The following KDM1A variants were observed in gnomAD, a reference collection of about 807,000 sequenced individuals.
KDM1A encodes the protein lysine demethylase 1A, also known as lysine-specific histone demethylase 1A.
In KDM1A, 49 loss-of-function variants were observed where a neutral mutation model predicts 109.4. That is an observed-to-expected ratio of 0.45 (90% confidence interval 0.36 to 0.57). KDM1A has a LOEUF of 0.57. KDM1A is among the 20% of genes least tolerant of loss of function. The pLI is 0.00. For synonymous variants in KDM1A, 380 were observed against 415.4 expected (o/e 0.91, Z 1.04); for missense variants, 668 against 1,116.6 (o/e 0.60, Z 5.73).
chr1:23,054,953 CATGACTT>C, intron 5 of KDM1A, 109 bp from the exon 6 acceptor site: 1 of 641,334 alleles, frequency 1.6e-6, no homozygotes, highest in Non-Finnish European at 2.7e-6. Flanking sequence ...AAAGGAGTCA[CATGACTT>C]GAAGCTTAAT....
intron 2 of KDM1A, 119 bp from the exon 3 acceptor site, chr1:23,044,308 G>A: frequency 1.2e-6 from 1 of 833,194 alleles, no homozygotes; most frequent in South Asian, 1.5e-5. Context: ...GGAGCTCTCT[G>A]AATATGGGTT....
At chr1:23,073,207 GAC>G (rs1421934023) in intron 14 of KDM1A, 83 bp from the exon 15 acceptor site, 1 of 735,490 alleles carries the variant, frequency 1.4e-6, no homozygotes. Context: ...CTTAGGTTCT[GAC>G]ACAGTTACTG....
In KDM1A at chr1:23,083,305, T is replaced by TATAC. The variant is rs1643676491; in HGVS notation, c.2573_2576dup (p.Leu860TyrfsTer66). ...TGCAGACCAGTTTTTGGGGGCCATG[T>TATAC]ATACGCTGCCTCGCCAGGCCACACC... On this transcript the variant is annotated frameshift_variant, in exon 21 of 21. Coordinates refer to ENST00000400181, the MANE Select transcript of KDM1A (RefSeq NM_001009999.3). LOFTEE classifies it high-confidence loss of function. 1 of 1,613,890 alleles carries TATAC rather than the reference T, an allele frequency of 6.2e-7. No individual in the cohort carries two copies. The highest frequency in any genetic ancestry group is 1.7e-5 in the Admixed American group (1 of 59,994).
intron 3 of KDM1A, among the ~76,000 whole-genome samples, chr1:23,046,051 T>G (rs1642495493): frequency 6.6e-6 from 1 of 152,210 alleles, no homozygotes; most frequent in Non-Finnish European, 1.5e-5. Context: ...AGAAGAGAAC[T>G]TGAGGTCATC....
intron 9 of KDM1A, among the ~76,000 whole-genome samples, chr1:23,062,517 G>T (rs552943444): frequency 1.3e-5 from 2 of 152,312 alleles, no homozygotes; most frequent in East Asian, 3.9e-4. Flanking sequence ...AAGTTACTCA[G>T]AGTTATATCA....
intron 1 of KDM1A, 113 bp downstream of exon 1, chr1:23,020,060 C>T: frequency 1.7e-6 from 2 of 1,144,400 alleles, no homozygotes; most frequent in South Asian, 2.2e-5. Flanking sequence ...CTCAGACCTC[C>T]CCTTGTATCG....
intron 20 of KDM1A, chr1:23,082,884 A>T (rs540753000): frequency 3.8e-6 from 1 of 260,916 alleles, no homozygotes; most frequent in African/African-American, 2.2e-5. Context: ...TCCCTCCCAG[A>T]AGGTAGTTAT....
Position 23,072,172 on chromosome 1 carries a change from C to G in KDM1A, c.1597C>G (p.Gln533Glu). 6.2e-7 allele frequency: 1 copy of G among 1,611,194 alleles called. No homozygotes were observed. Among genetic ancestry groups the G allele is most frequent in the South Asian group, 1.1e-5 (1 of 90,434 alleles). Reference sequence around the variant, plus strand: ...ACAAGGAAAGCTAGAAGAAAAACTTCAGGAGTTGGAAGCGAATCCCCCAAG... The same window carrying G: ...ACAAGGAAAGCTAGAAGAAAAACTTGAGGAGTTGGAAGCGAATCCCCCAAG... ...ETQGKLEEKL[Q>E]ELEANPPSDV... is the part of the protein sequence containing the mutation. The change falls in exon 14 of 21, where the codon CAG becomes GAG. Residue 533 changes from glutamine to glutamate, a missense_variant. Physicochemically the swap from Gln to Glu is conservative, Grantham distance 29. Around this residue, in one of 8 missense-constraint regions of KDM1A, gnomAD observed 162 missense variants for 376.4 expected, o/e 0.43. Transcript: ENST00000400181.
intron 2 of KDM1A, among the ~76,000 whole-genome samples, chr1:23,038,155 A>G (rs1195317836): frequency 1.3e-5 from 2 of 152,184 alleles, no homozygotes; most frequent in Non-Finnish European, 2.9e-5. Context: ...GACCAGACAG[A>G]CACACATACT....
intron 11 of KDM1A, among the ~76,000 whole-genome samples, 161 bp downstream of exon 11, chr1:23,068,842 G>A (rs1643226600): frequency 6.6e-6 from 1 of 152,150 alleles, no homozygotes; most frequent in Non-Finnish European, 1.5e-5. Context: ...ATAATTATAT[G>A]ATCCCTTAAG....
At position 23,069,101 on chromosome 1, in the gene KDM1A, T is replaced by C; in HGVS notation, c.1363T>C (p.Trp455Arg). 1 of 1,611,278 alleles carries C rather than the reference T, an allele frequency of 6.2e-7. No individual in the cohort carries two copies. Among genetic ancestry groups the C allele is most frequent in the African/African-American group, 1.3e-5 (1 of 74,908 alleles). ...TGTCAAAGATGAGCAGATTGAACATTGGAAGAAGATAGTGAAAACTCAGGA... is the reference window on the plus strand; with the variant it reads ...TGTCAAAGATGAGCAGATTGAACATCGGAAGAAGATAGTGAAAACTCAGGA... The part of the protein sequence containing the change: ...KHVKDEQIEH[W>R]KKIVKTQEEL... The change falls in exon 12 of 21, where the codon TGG (tryptophan) becomes CGG (arginine). Residue 455 changes from tryptophan (W) to arginine (R), a missense_variant. Trp to Arg is a moderately radical substitution (Grantham distance 101). Coordinates refer to ENST00000400181, the MANE Select transcript of KDM1A (RefSeq NM_001009999.3).
At position 23,030,008 on chromosome 1, in the gene KDM1A, C is replaced by T. The variant is rs192314902; in HGVS notation, c.352-461C>T. On this transcript the variant is annotated intron_variant, in intron 1 of 20. Transcript: ENST00000400181. ...TCAGTTTGACTGTTGTTATTTTCCA[C>T]TCCATGCCCTCCATTTGGTTTTTGG... is the stretch of plus-strand genomic sequence containing the variant. Among the ~76,000 whole-genome samples, 143 of 152,326 alleles carry T rather than the reference C, an allele frequency of 9.4e-4. 1 individual carries two copies. The highest frequency in any genetic ancestry group is 3.4e-3 in the African/African-American group (140 of 41,574).
chr1:23,056,704 T>C (rs1373498789), intron 7 of KDM1A, among the ~76,000 whole-genome samples: 1 of 151,716 alleles, frequency 6.6e-6, no homozygotes, highest in East Asian at 1.9e-4. Flanking sequence ...TTGTGCACTT[T>C]GTACATTTTG....
chr1:23,050,330 C>A, intron 3 of KDM1A, 57 bp from the exon 4 acceptor site: 1 of 1,521,096 alleles, frequency 6.6e-7, no homozygotes, highest in Non-Finnish European at 8.8e-7. Context: ...AGCGTCATCA[C>A]TACCCGTTTT....
intron 9 of KDM1A, among the ~76,000 whole-genome samples, chr1:23,065,819 C>A (rs1332466006): frequency 1.3e-5 from 2 of 152,052 alleles, no homozygotes; most frequent in African/African-American, 4.8e-5. Flanking sequence ...CCCCCTCACT[C>A]CCCTGTCTTT....
intron 18 of KDM1A, 193 bp from the exon 19 acceptor site, chr1:23,081,253 A>G (rs185966780): frequency 1.7e-6 from 1 of 575,190 alleles, no homozygotes; most frequent in African/African-American, 1.9e-5. Context: ...GCCAGCTCCT[A>G]CTGGCTGGTG....
At chr1:23,070,039 A>C (rs1643272282) in intron 12 of KDM1A, among the ~76,000 whole-genome samples, 1 of 152,270 alleles carries the variant, frequency 6.6e-6, no homozygotes, top group Admixed American at 6.5e-5. Flanking sequence ...GATTGTGGTA[A>C]GGATGAAATG....
At chr1:23,045,349 C>T (rs1258709523) in intron 3 of KDM1A, among the ~76,000 whole-genome samples, 1 of 152,126 alleles carries the variant, frequency 6.6e-6, no homozygotes, top group Non-Finnish European at 1.5e-5. Context: ...TATAACAGGT[C>T]CTGGGACTGT....
At position 23,072,186 on chromosome 1, in the gene KDM1A, G is replaced by A. The variant is rs756385857; in HGVS notation, c.1611G>A (p.Ala537=). Residue 537 remains alanine (A), a synonymous_variant, in exon 14 of 21, where the codon GCG becomes GCA. Transcript: ENST00000400181. The stretch of plus-strand genomic sequence containing the variant: ...AAGAAAAACTTCAGGAGTTGGAAGC[G>A]AATCCCCCAAGGTAAGGAAAACAAA... ...KLEEKLQELE[A]NPPSDVYLSS... 2.0e-5 allele frequency: 32 copies of A among 1,609,406 alleles called. No homozygotes were observed. The highest frequency in any genetic ancestry group is 1.4e-4 in the South Asian group (13 of 90,296).
Sources: gnomAD v4.1 joint callset for allele counts (sites outside exome capture counted in the v4.1 genomes callset) on GRCh38, gnomAD v4.1.1 for gene constraint, gnomAD v4.1.1 regional missense constraint, MANE v1.5 for transcripts, NCBI Gene and HGNC (gene_info 2026-07-23, HGNC 2026-07-21) for gene names.